The following COG7 variants were observed in gnomAD, a reference collection of about 807,000 sequenced individuals.
The protein encoded by COG7 is conserved oligomeric Golgi complex subunit 7.
Under a neutral mutation model 91.5 loss-of-function variants are expected in COG7, and 49 were observed. The observed-to-expected ratio is 0.54, with a 90% CI of 0.43 to 0.68. COG7 has a LOEUF of 0.68. Among genes scored for constraint, COG7 ranks in the 30% least tolerant of loss-of-function variants. The pLI, the probability that COG7 is intolerant of heterozygous loss-of-function variation, is 0.00. For synonymous variants in COG7, 365 were observed against 388.7 expected (o/e 0.94, Z 0.72); for missense variants, 895 against 961.3 (o/e 0.93, Z 0.91).
At chr16:23,406,716 G>C (rs907260074) in intron 11 of COG7, among the ~76,000 whole-genome samples, 1 of 152,206 alleles carries the variant, frequency 6.6e-6, no homozygotes, top group Non-Finnish European at 1.5e-5. Flanking sequence ...ACAGCAGCTC[G>C]CTGCACGCCT....
intron 1 of COG7, among the ~76,000 whole-genome samples, chr16:23,451,346 A>C (rs1964262543): frequency 6.6e-6 from 1 of 151,702 alleles, no homozygotes. Context: ...CACACGGTGA[A>C]TAAAAGTCAA....
chr16:23,415,573 G>A (rs1963639055), intron 9 of COG7: 1 of 151,990 alleles, frequency 6.6e-6, no homozygotes, highest in African/African-American at 2.4e-5. Flanking sequence ...ATATGCTTTT[G>A]GTTAATATTC....
intron 7 of COG7, 124 bp from the exon 8 acceptor site, chr16:23,418,951 TTTG>T: frequency 1.2e-6 from 1 of 817,050 alleles, no homozygotes; most frequent in Admixed American, 2.0e-5. Context: ...GGGACTATAT[TTTG>T]TTAAGCAGCT....
intron 13 of COG7, among the ~76,000 whole-genome samples, chr16:23,402,835 C>T (rs1000899091): frequency 6.6e-6 from 1 of 152,336 alleles, no homozygotes; most frequent in African/African-American, 2.4e-5. Flanking sequence ...GGAATCCTGA[C>T]TCCCAGTGAG....
At chr16:23,434,792 G>C (rs1007076643) in intron 4 of COG7, 74 bp from the exon 5 acceptor site, 1 of 964,872 alleles carries the variant, frequency 1.0e-6, no homozygotes, top group African/African-American at 1.6e-5. Context: ...TCACCAGGAT[G>C]AAGGTGGATA....
chr16:23,398,052 G>A lies in COG7; in HGVS notation c.1881C>T (p.Ile627=), dbSNP rs1963313025. Reference sequence around the variant, plus strand: ...AGCACACAGAAGCTCTTACGTTGCTGATGTACTCGAGAGGGGTGAGACTAA... The same window carrying A: ...AGCACACAGAAGCTCTTACGTTGCTAATGTACTCGAGAGGGGTGAGACTAA... ...PAFSLTPLEY[I]SNIGQYIMSL... is the part of the protein sequence containing the mutation. Residue 627 remains isoleucine, a synonymous_variant, in exon 14 of 17, where the codon ATC becomes ATT. Coordinates refer to ENST00000307149, the MANE Select transcript of COG7 (RefSeq NM_153603.4). 13 of 1,613,868 alleles carry A rather than the reference G, an allele frequency of 8.1e-6. No homozygotes were observed. The East Asian group carries it at 2.9e-4, about 36-fold the overall frequency.
In COG7 at chr16:23,398,097, G is replaced by A. The variant is rs1176608322; in HGVS notation, c.1836C>T (p.Leu612=). 1 of 1,614,162 alleles carries A rather than the reference G, an allele frequency of 6.2e-7. No homozygotes were observed. The highest frequency in any genetic ancestry group is 1.7e-5 in the Admixed American group (1 of 60,032). Residue 612 remains leucine, a synonymous_variant, in exon 14 of 17, where the codon CTC becomes CTT. Transcript: ENST00000307149. The stretch of plus-strand genomic sequence containing the variant: ...GACTAAAGGCGGGCAGTTCATCTGT[G>A]AGGGTTTCTCCGATGCCAGCCGTAT... ...SWNTAGIGET[L]TDELPAFSLT...
intron 7 of COG7, among the ~76,000 whole-genome samples, chr16:23,420,546 G>A (rs368570232): frequency 1.0e-3 from 154 of 152,108 alleles, no homozygotes; most frequent in African/African-American, 3.4e-3. Flanking sequence ...TGGAAGGACC[G>A]GCTTCGTCCC....
chr16:23,410,455 G>T, intron 10 of COG7, 95 bp from the exon 11 acceptor site: 2 of 1,034,758 alleles, frequency 1.9e-6, no homozygotes, highest in Non-Finnish European at 3.0e-6. Context: ...CTAACTATTT[G>T]CTCCTTTGGG....
At chr16:23,398,663 A>ATACTGCTTTACCTCAACTAAAGC (rs1383363857) in intron 13 of COG7, among the ~76,000 whole-genome samples, 6 of 152,142 alleles carry the variant, frequency 3.9e-5, no homozygotes, top group Admixed American at 6.6e-5. Flanking sequence ...CTCATCGGCA[A>ATACTGCTTTACCTCAACTAAAGC]TACTGCTTTA....
chr16:23,426,530 T>C (rs928488183), intron 6 of COG7, among the ~76,000 whole-genome samples: 1 of 152,110 alleles, frequency 6.6e-6, no homozygotes, highest in Non-Finnish European at 1.5e-5. Context: ...TCTAATTTTT[T>C]AAAATGAATC....
At chr16:23,393,518 A>G in intron 14 of COG7, 171 bp from the exon 15 acceptor site, 1 of 626,142 alleles carries the variant, frequency 1.6e-6, no homozygotes, top group Non-Finnish European at 2.9e-6. Flanking sequence ...GTACCCTAAA[A>G]AAGAATCACT....
intron 1 of COG7, 125 bp from the exon 2 acceptor site, chr16:23,446,086 CA>C (rs1328397767): frequency 8.3e-7 from 1 of 1,199,200 alleles, no homozygotes; most frequent in Non-Finnish European, 1.2e-6. Context: ...CACGACCAAC[CA>C]AACGGTTTTT....
intron 4 of COG7, among the ~76,000 whole-genome samples, chr16:23,439,257 T>C (rs1295440103): frequency 1.6e-5 from 2 of 126,846 alleles, no homozygotes; most frequent in East Asian, 2.3e-4. Context: ...AACAGACAGA[T>C]CATGCCACTG....
At chr16:23,409,064 C>CAT in intron 11 of COG7, among the ~76,000 whole-genome samples, 1 of 141,410 alleles carries the variant, frequency 7.1e-6, no homozygotes, top group Non-Finnish European at 1.6e-5. Flanking sequence ...AGTGTGCATG[C>CAT]GTGTGTGTGT....
intron 7 of COG7, among the ~76,000 whole-genome samples, chr16:23,424,210 T>C (rs1384446041): frequency 6.6e-6 from 1 of 151,172 alleles, no homozygotes; most frequent in Non-Finnish European, 1.5e-5. Flanking sequence ...GGCAGGAGAA[T>C]TGCTTGAACC....
chr16:23,448,397 C>A (rs528978266), intron 1 of COG7, among the ~76,000 whole-genome samples: 1 of 152,162 alleles, frequency 6.6e-6, no homozygotes, highest in Non-Finnish European at 1.5e-5. Flanking sequence ...ACTGCTGCCT[C>A]GAACTTCTAG....
At chr16:23,445,700 A>C in intron 2 of COG7, 113 bp downstream of exon 2, 1 of 1,050,704 alleles carries the variant, frequency 9.5e-7, no homozygotes. Flanking sequence ...CAGAATCTTG[A>C]GTGATGGTTG....
rs951674595 is a variant in COG7, at chr16:23,445,872, T to A, written c.259A>T (p.Met87Leu). ...KQEASFLKEQ[M>L]ILVKEDIKKF... ...TTAATGTCCTCCTTGACAAGAATCATCTGTTCTTTCAGGAAAGATGCCTCC... is the reference window on the plus strand; with the variant it reads ...TTAATGTCCTCCTTGACAAGAATCAACTGTTCTTTCAGGAAAGATGCCTCC... Residue 87 changes from methionine (M) to leucine (L), a missense_variant, in exon 2 of 17, where the codon ATG becomes TTG. Physicochemically the swap from Met to Leu is conservative, Grantham distance 15. Transcript: ENST00000307149. 1.2e-6 allele frequency: 2 copies of A among 1,613,750 alleles called. No homozygotes were observed. Among genetic ancestry groups the A allele is most frequent in the Admixed American group, 3.3e-5 (2 of 59,964 alleles).
Sources: gnomAD v4.1 joint callset for allele counts (sites outside exome capture counted in the v4.1 genomes callset) on GRCh38, gnomAD v4.1.1 for gene constraint, MANE v1.5 for transcripts, NCBI Gene and HGNC (gene_info 2026-07-23, HGNC 2026-07-21) for gene names.